CFAP47: variants seen among roughly 807,000 people sequenced by gnomAD.
The protein encoded by CFAP47 is cilia- and flagella-associated protein 47.
In CFAP47, 29 loss-of-function variants were observed where a neutral mutation model predicts 148.1. The observed-to-expected ratio is 0.20, with a 90% CI of 0.15 to 0.27. The LOEUF is 0.27. Among genes scored for constraint, CFAP47 ranks in the 10% least tolerant of loss-of-function variants. The pLI is 1.00. For synonymous variants in CFAP47, 664 were observed against 577.3 expected (o/e 1.15, Z -2.15); for missense variants, 1,872 against 1,697.5 (o/e 1.10, Z -1.81).
At chrX:36,176,952 G>A (rs73197171) in intron 39 of CFAP47, among the ~76,000 whole-genome samples, 6,533 of 111,659 alleles carry the variant, frequency 0.059, 175 homozygotes, top group Middle Eastern at 0.12. Context: ...TATATTAAAA[G>A]CATCTTAAGA....
chrX:36,205,766 G>A (rs918586182), intron 45 of CFAP47, among the ~76,000 whole-genome samples: 2 of 111,711 alleles, frequency 1.8e-5, no homozygotes, highest in Non-Finnish European at 3.8e-5. Context: ...TTTCATTTCA[G>A]TTCTTTTCAA....
intron 51 of CFAP47, among the ~76,000 whole-genome samples, chrX:36,295,152 C>T (rs980731094): frequency 3.6e-5 from 4 of 111,847 alleles, no homozygotes; most frequent in East Asian, 2.8e-4. Flanking sequence ...CCGAAAAGAG[C>T]GCATGTGAAG....
chrX:36,291,822 A>T (rs782415961), intron 51 of CFAP47, among the ~76,000 whole-genome samples: 1 of 111,283 alleles, frequency 9.0e-6, no homozygotes, highest in Admixed American at 9.6e-5. Context: ...ACACACATGC[A>T]TATACATATA....
chrX:36,333,813 A>G (rs1184438120), intron 57 of CFAP47, among the ~76,000 whole-genome samples: 1 of 110,962 alleles, frequency 9.0e-6, no homozygotes, highest in African/African-American at 3.3e-5. Context: ...GAACATGCTC[A>G]CAACTTGCCC....
At chrX:36,171,661 C>G (rs1174939004) in intron 39 of CFAP47, among the ~76,000 whole-genome samples, 2 of 111,549 alleles carry the variant, frequency 1.8e-5, no homozygotes, top group African/African-American at 6.5e-5. Context: ...ATCTATATCT[C>G]TGTTTTGGTA....
intron 29 of CFAP47, among the ~76,000 whole-genome samples, chrX:36,076,178 CT>C (rs199694179): frequency 0.062 from 6,087 of 98,085 alleles, 458 homozygotes; most frequent in African/African-American, 0.2. Flanking sequence ...TCTTTTTTTT[CT>C]TTTTTTTTTT....
intron 53 of CFAP47, among the ~76,000 whole-genome samples, chrX:36,302,646 G>A (rs1941308666): frequency 1.8e-5 from 2 of 111,992 alleles, no homozygotes; most frequent in Middle Eastern, 4.2e-3. Context: ...CAAGCTGGAT[G>A]CTGTACATTA....
chrX:35,934,408 G>C (rs1935879719), intron 2 of CFAP47, among the ~76,000 whole-genome samples: 1 of 110,654 alleles, frequency 9.0e-6, no homozygotes, highest in African/African-American at 3.3e-5. Flanking sequence ...GGTCTCTTTA[G>C]TCAGCTTGTG....
At chrX:36,034,497 A>G (rs1937316639) in intron 23 of CFAP47, among the ~76,000 whole-genome samples, 1 of 111,343 alleles carries the variant, frequency 9.0e-6, no homozygotes, top group Non-Finnish European at 1.9e-5. Flanking sequence ...TATTACTTGG[A>G]AATTTTCTTT....
At chrX:36,177,533 G>A (rs1939699651) in intron 39 of CFAP47, among the ~76,000 whole-genome samples, 1 of 112,186 alleles carries the variant, frequency 8.9e-6, no homozygotes, top group Non-Finnish European at 1.9e-5. Flanking sequence ...TCTTCTTTAT[G>A]TATTTGCCTA....
intron 10 of CFAP47, among the ~76,000 whole-genome samples, chrX:35,968,794 C>T (rs1042800422): frequency 9.0e-6 from 1 of 110,832 alleles, no homozygotes; most frequent in Non-Finnish European, 1.9e-5. Flanking sequence ...CCATAAAACA[C>T]AGAAACATAA....
At chrX:36,336,599 T>C (rs1018583922) in intron 57 of CFAP47, among the ~76,000 whole-genome samples, 7 of 111,351 alleles carry the variant, frequency 6.3e-5, no homozygotes, top group Non-Finnish European at 1.3e-4. Context: ...AGATAAAATA[T>C]TCATCATTTA....
At chrX:36,032,147 A>G (rs913400049) in intron 23 of CFAP47, among the ~76,000 whole-genome samples, 3 of 111,373 alleles carry the variant, frequency 2.7e-5, no homozygotes, top group African/African-American at 9.7e-5. Flanking sequence ...GGCAACTTTA[A>G]TTAACTGAAT....
chrX:35,950,889 A>G (rs1453087053), intron 4 of CFAP47, among the ~76,000 whole-genome samples: 1 of 111,618 alleles, frequency 9.0e-6, no homozygotes, highest in East Asian at 2.8e-4. Flanking sequence ...TTACAACTTT[A>G]CTGTTTCCTG....
At chrX:36,193,310 T>C (rs1440797816) in intron 42 of CFAP47, among the ~76,000 whole-genome samples, 2 of 112,276 alleles carry the variant, frequency 1.8e-5, no homozygotes, top group African/African-American at 6.5e-5. Context: ...AACATTAAAC[T>C]ATATTATGCT....
Position 35,941,403 on chromosome X carries a change from A to G in CFAP47, c.517+5A>G, listed in dbSNP as rs1936007073. ...CTAACCATGGCAAAGCTCCAGGTAAATCCTTCCTGTCATATTTACTTACAC... is the reference window on the plus strand; with the variant it reads ...CTAACCATGGCAAAGCTCCAGGTAAGTCCTTCCTGTCATATTTACTTACAC... On this transcript the variant is annotated splice_donor_5th_base_variant and intron_variant, in intron 3 of 63. Transcript: ENST00000378653. 3.2e-6 allele frequency: 3 copies of G among 945,097 alleles called. No individual in the cohort carries two copies. The highest frequency in any genetic ancestry group is 4.4e-6 in the Non-Finnish European group (3 of 687,159). 77.9% of individuals were successfully genotyped at this position (945,097 alleles called of 1,213,427 possible).
At chrX:36,376,249 G>A (rs1044761852) in intron 62 of CFAP47, among the ~76,000 whole-genome samples, 1 of 112,340 alleles carries the variant, frequency 8.9e-6, no homozygotes, top group East Asian at 2.8e-4. Context: ...TATTTAGAGA[G>A]ATGTATTGGT....
chrX:36,067,277 A>T (rs1268587121), intron 27 of CFAP47, among the ~76,000 whole-genome samples: 1 of 111,501 alleles, frequency 9.0e-6, no homozygotes, highest in East Asian at 2.8e-4. Context: ...TGTCTTCTGG[A>T]TACCATTCTT....
chrX:36,049,650 G>A (rs920815530), intron 26 of CFAP47, among the ~76,000 whole-genome samples: 9 of 111,343 alleles, frequency 8.1e-5, no homozygotes, highest in African/African-American at 9.8e-5. Context: ...CTCATGAATC[G>A]TCTCTATGGT....
Sources: allele counts gnomAD v4.1 joint callset (sites outside exome capture counted in the v4.1 genomes callset), GRCh38; gene constraint gnomAD v4.1.1; transcripts MANE v1.5; gene names NCBI Gene and HGNC (gene_info 2026-07-23, HGNC 2026-07-21).